PCDHA11: variants seen among roughly 807,000 people sequenced by gnomAD.
PCDHA11 encodes protocadherin alpha 11, also known as protocadherin alpha-11.
A neutral mutation model predicts 70.3 loss-of-function variants in PCDHA11; 61 were observed. The observed-to-expected ratio is 0.87, with a 90% CI of 0.71 to 1.07. The LOEUF is 1.07. Ranked by LOEUF, PCDHA11 falls within the 50% of genes least tolerant of loss-of-function variation. The pLI, the probability that PCDHA11 is intolerant of heterozygous loss-of-function variation, is 0.00. For missense variants in PCDHA11, 1,324 were observed against 1,237.5 expected, an observed-to-expected ratio of 1.07 and a Z score of -1.05; for synonymous variants, 633 against 555.1, an observed-to-expected ratio of 1.14 and a Z score of -1.97.
chr5:140,994,954 T>C (rs2097657181), intron 3 of PCDHA11, among the ~76,000 whole-genome samples: 1 of 152,230 alleles, frequency 6.6e-6, no homozygotes, highest in Non-Finnish European at 1.5e-5. Flanking sequence ...AAATAATTTG[T>C]AGTTTCATTT....
At chr5:140,942,667 CA>C (rs2153659637) in intron 1 of PCDHA11, among the ~76,000 whole-genome samples, 1 of 151,384 alleles carries the variant, frequency 6.6e-6, no homozygotes, top group South Asian at 2.1e-4. Flanking sequence ...GCAATAAGCA[CA>C]AAAGTTTTAG....
intron 1 of PCDHA11, among the ~76,000 whole-genome samples, chr5:140,937,290 G>C (rs890693007): frequency 3.3e-5 from 5 of 152,076 alleles, no homozygotes; most frequent in Non-Finnish European, 7.4e-5. Flanking sequence ...ACCCGCTTCG[G>C]CCTCCCAAAG....
chr5:140,884,610 G>A (rs1554181783), intron 1 of PCDHA11: 1 of 1,614,138 alleles, frequency 6.2e-7, no homozygotes, highest in South Asian at 1.1e-5. Context: ...CCTTGTCTGG[G>A]TTCTGCAGAG....
intron 1 of PCDHA11, among the ~76,000 whole-genome samples, chr5:140,908,870 T>C (rs1221082339): frequency 6.6e-6 from 1 of 152,136 alleles, no homozygotes; most frequent in Non-Finnish European, 1.5e-5. Flanking sequence ...ATGTGTTGCC[T>C]CCAAAATCCA....
intron 1 of PCDHA11, among the ~76,000 whole-genome samples, chr5:140,881,717 G>A (rs374516377): frequency 2.6e-5 from 4 of 152,160 alleles, no homozygotes; most frequent in African/African-American, 9.7e-5. Flanking sequence ...GTGTGAGGAG[G>A]TCTTGAAAAA....
chr5:140,932,199 A>C (rs1314795858), intron 1 of PCDHA11, among the ~76,000 whole-genome samples: 2 of 151,894 alleles, frequency 1.3e-5, no homozygotes, highest in African/African-American at 4.8e-5. Context: ...TTTTTCTGTT[A>C]ATATTCTTGA....
intron 1 of PCDHA11, chr5:140,881,353 G>C (rs537796043): frequency 1.0e-6 from 1 of 985,060 alleles, no homozygotes; most frequent in African/African-American, 1.7e-5. Flanking sequence ...GCTACAATGC[G>C]TGGCTTTCGT....
rs184817309 is a variant in PCDHA11, at chr5:140,876,910, T to G, written c.2391+5416T>G. On this transcript the variant is annotated intron_variant, in intron 1 of 3. Coordinates refer to ENST00000398640, the MANE Select transcript of PCDHA11 (RefSeq NM_018902.5). The stretch of plus-strand genomic sequence containing the variant: ...CTGCCACATCTTCACGGTGTCGGCA[T>G]GGGACGCGGACGCGCAGAAGAACGC... 1.1e-5 allele frequency: 18 copies of G among 1,613,860 alleles called. No homozygotes were observed. The South Asian group carries it at 1.4e-4, about 13-fold the overall frequency.
intron 1 of PCDHA11, among the ~76,000 whole-genome samples, chr5:140,900,019 A>T (rs1164566696): frequency 1.3e-5 from 2 of 151,964 alleles, no homozygotes; most frequent in African/African-American, 4.8e-5. Flanking sequence ...TTTGTTACCC[A>T]GTTTGGCCTT....
At position 140,870,081 on chromosome 5, in the gene PCDHA11, T is replaced by G. The variant is rs782572380; in HGVS notation, c.978T>G (p.Thr326=). 2 of 1,613,698 alleles carry G rather than the reference T, an allele frequency of 1.2e-6. No homozygotes were observed. ...KIEVQATDKG[T]PPMAGHCTVW... ...AAGTACAGGCTACAGATAAGGGGAC[T>G]CCCCCAATGGCAGGTCACTGTACAG... Residue 326 remains threonine (T), a synonymous_variant, in exon 1 of 4, where the codon ACT becomes ACG. Coordinates refer to ENST00000398640, the MANE Select transcript of PCDHA11 (RefSeq NM_018902.5).
At chr5:140,948,620 TTAA>T (rs1422284059) in intron 1 of PCDHA11, among the ~76,000 whole-genome samples, 3 of 151,714 alleles carry the variant, frequency 2.0e-5, no homozygotes, top group Non-Finnish European at 4.4e-5. Context: ...CACAAAGTTG[TTAA>T]TAATATTCTC....
intron 2 of PCDHA11, 86 bp from the exon 3 acceptor site, chr5:140,982,389 T>C: frequency 1.3e-6 from 2 of 1,593,476 alleles, no homozygotes; most frequent in South Asian, 1.1e-5. Context: ...CCTGGCTTCA[T>C]AGTTGTAAGC....
chr5:140,931,111 G>A (rs1584701423), intron 1 of PCDHA11, among the ~76,000 whole-genome samples: 2 of 152,116 alleles, frequency 1.3e-5, no homozygotes, highest in East Asian at 3.8e-4. Flanking sequence ...TAATAGGTAT[G>A]CACATCATTA....
intron 1 of PCDHA11, chr5:140,926,711 C>T: frequency 1.1e-6 from 1 of 925,094 alleles, no homozygotes; most frequent in Non-Finnish European, 1.5e-6. Context: ...AGCTGGCCAG[C>T]CCCGGCAATG....
At chr5:140,916,647 C>T (rs2077666767) in intron 1 of PCDHA11, among the ~76,000 whole-genome samples, 1 of 152,180 alleles carries the variant, frequency 6.6e-6, no homozygotes, top group African/African-American at 2.4e-5. Context: ...TGTGGCTGAG[C>T]TGGTATCCAA....
At chr5:140,887,256 C>T (rs1554182988) in intron 1 of PCDHA11, among the ~76,000 whole-genome samples, 1 of 152,002 alleles carries the variant, frequency 6.6e-6, no homozygotes, top group African/African-American at 2.4e-5. Context: ...GCCACCACGC[C>T]CTGCTAATTT....
At chr5:140,998,722 G>A (rs572133347) in intron 3 of PCDHA11, among the ~76,000 whole-genome samples, 4 of 152,002 alleles carry the variant, frequency 2.6e-5, no homozygotes, top group Non-Finnish European at 4.4e-5. Flanking sequence ...GCACCACCAC[G>A]CTAGGCTAAT....
rs190183922 is a variant in PCDHA11, at chr5:140,912,839, T to C, written c.2391+41345T>C. ...AGGGATTTTGAATTTTATTAAATGC[T>C]TTTTCAGCATCAATTGAAATGATAT... On this transcript the variant is annotated intron_variant, in intron 1 of 3. Coordinates refer to ENST00000398640, the MANE Select transcript of PCDHA11 (RefSeq NM_018902.5). Among the ~76,000 whole-genome samples the C allele has an allele frequency of 6.6e-5, 10 of 152,356 alleles. No individual in the cohort carries two copies. In the East Asian group the frequency reaches 1.9e-3, roughly 29 times the overall value.
At position 140,927,227 on chromosome 5, in the gene PCDHA11, T is replaced by G. The variant is rs782721972; in HGVS notation, c.2392-51722T>G. The G allele has an allele frequency of 3.2e-5, 51 of 1,613,848 alleles. No individual in the cohort carries two copies. The highest frequency in any genetic ancestry group is 1.6e-4 in the Middle Eastern group (1 of 6,084). ...CCGCTGGAGCTGCACAAGATTCGGA[T>G]TCACGTCCTGGACACCAATGACAAC... On this transcript the variant is annotated intron_variant, in intron 1 of 3. Coordinates refer to ENST00000398640, the MANE Select transcript of PCDHA11 (RefSeq NM_018902.5).
Sources: gnomAD v4.1 joint callset for allele counts (sites outside exome capture counted in the v4.1 genomes callset) on GRCh38, gnomAD v4.1.1 for gene constraint, MANE v1.5 for transcripts, NCBI Gene and HGNC (gene_info 2026-07-23, HGNC 2026-07-21) for gene names.